GFRA1: variants seen among roughly 807,000 people sequenced by gnomAD.
The protein encoded by GFRA1 is GDNF family receptor alpha 1.
A neutral mutation model predicts 51.6 loss-of-function variants in GFRA1; 16 were observed. That is an observed-to-expected ratio of 0.31 (90% CI 0.21 to 0.47). The LOEUF is 0.47. Ranked by LOEUF, GFRA1 falls within the 20% of genes least tolerant of loss-of-function variation. GFRA1 has a pLI of 1.00. For synonymous variants in GFRA1, 270 were observed against 241.3 expected, an observed-to-expected ratio of 1.12 and a Z score of -1.10; for missense variants, 530 against 594.3, an observed-to-expected ratio of 0.89 and a Z score of 1.13.
intron 5 of GFRA1, among the ~76,000 whole-genome samples, chr10:116,176,466 T>C (rs1350201367): frequency 6.6e-6 from 1 of 152,024 alleles, no homozygotes; most frequent in South Asian, 2.1e-4. Context: ...GGAGATCTGG[T>C]TGTTTAAGAG....
At chr10:116,093,344 C>T (rs763533487) in intron 8 of GFRA1, among the ~76,000 whole-genome samples, 2 of 152,226 alleles carry the variant, frequency 1.3e-5, no homozygotes, top group Non-Finnish European at 2.9e-5. Flanking sequence ...TCTCCGCAGG[C>T]TGCCAAGATC....
intron 5 of GFRA1, among the ~76,000 whole-genome samples, chr10:116,167,604 A>T (rs898838582): frequency 6.6e-6 from 1 of 151,082 alleles, no homozygotes; most frequent in Non-Finnish European, 1.5e-5. Context: ...CAGTTTCTGC[A>T]TTAGACTCAT....
At chr10:116,216,106 A>G (rs995572721) in intron 4 of GFRA1, among the ~76,000 whole-genome samples, 3 of 152,142 alleles carry the variant, frequency 2.0e-5, no homozygotes, top group African/African-American at 7.2e-5. Flanking sequence ...TCTTTAATGC[A>G]CTGAGTCCTC....
rs1001198588 is a variant in GFRA1, at chr10:116,177,928, C to G, written c.433+33703G>C. Among the ~76,000 whole-genome samples the G allele has an allele frequency of 2.0e-5, 3 of 152,182 alleles. No individual in the cohort carries two copies. In the East Asian group the frequency reaches 5.8e-4, roughly 29 times the overall value. ...CATGGTACAAACTCAAAGCCAGAAG[C>G]AAACCCTCTAGAGACCCCAGGCCCC... is the stretch of plus-strand genomic sequence containing the variant. On this transcript the variant is annotated intron_variant, in intron 5 of 10. Transcript: ENST00000355422.
At position 116,166,607 on chromosome 10, in the gene GFRA1, C is replaced by T. The variant is rs1011187966; in HGVS notation, c.434-41050G>A. ...TATGTGACCCTGACCCTCGGTCTTACTGTGAATGCCATCCCACCGCCAAGT... is the reference window on the plus strand; with the variant it reads ...TATGTGACCCTGACCCTCGGTCTTATTGTGAATGCCATCCCACCGCCAAGT... On this transcript the variant is annotated intron_variant, in intron 5 of 10. Transcript: ENST00000355422. 9.1e-4 allele frequency among the ~76,000 whole-genome samples: 138 copies of T among 151,968 alleles called. 1 individual carries two copies. The highest frequency in any genetic ancestry group is 3.3e-3 in the African/African-American group (135 of 41,418).
Position 116,272,326 on chromosome 10 carries a change from C to T in GFRA1, c.-246-51G>A. On this transcript the variant is annotated intron_variant, in intron 1 of 10. Transcript: ENST00000355422. The surrounding 1 kb of genome is among the most constrained non-coding windows in gnomAD (Gnocchi z 4.4). ...TGAGAGCGGAGAGCGCCGGAGACTC[C>T]CCCCACAGAACCCTCTCCCCTCCCC... 1 of 528,824 alleles carries T rather than the reference C, an allele frequency of 1.9e-6. No homozygotes were observed. Among genetic ancestry groups the T allele is most frequent in the Non-Finnish European group, 3.4e-6 (1 of 293,058 alleles). 32.8% of individuals were successfully genotyped at this position (528,824 alleles called of 1,614,324 possible).
At chr10:116,167,992 C>T (rs374836796) in intron 5 of GFRA1, among the ~76,000 whole-genome samples, 4 of 152,118 alleles carry the variant, frequency 2.6e-5, no homozygotes, top group South Asian at 2.1e-4. Flanking sequence ...ATATTGGGTA[C>T]GGTGTACACT....
At chr10:116,067,459 C>T (rs1163890879) in intron 9 of GFRA1, among the ~76,000 whole-genome samples, 1 of 152,214 alleles carries the variant, frequency 6.6e-6, no homozygotes, top group African/African-American at 2.4e-5. Context: ...TCTTCCTATG[C>T]TCGTGGTCAC....
At chr10:116,158,980 G>A (rs139474082) in intron 5 of GFRA1, among the ~76,000 whole-genome samples, 1 of 152,190 alleles carries the variant, frequency 6.6e-6, no homozygotes, top group Admixed American at 6.5e-5. Flanking sequence ...CCCATCCTCC[G>A]CAGCAAACGC....
intron 5 of GFRA1, among the ~76,000 whole-genome samples, chr10:116,126,332 G>A (rs1957874568): frequency 6.6e-6 from 1 of 152,254 alleles, no homozygotes; most frequent in African/African-American, 2.4e-5. Context: ...CAAGCCCTGT[G>A]CACTCATACC....
At chr10:116,171,081 G>A (rs2134227972) in intron 5 of GFRA1, among the ~76,000 whole-genome samples, 1 of 152,298 alleles carries the variant, frequency 6.6e-6, no homozygotes, top group Admixed American at 6.5e-5. Flanking sequence ...CTATTTTCAT[G>A]TACATAGACA....
intron 9 of GFRA1, among the ~76,000 whole-genome samples, chr10:116,088,422 T>C (rs894531170): frequency 5.3e-5 from 8 of 152,270 alleles, no homozygotes; most frequent in Admixed American, 3.9e-4. Context: ...GTGGTCACCA[T>C]TTCCCTCAAA....
At chr10:116,095,479 G>A (rs969056288) in intron 7 of GFRA1, among the ~76,000 whole-genome samples, 1 of 152,094 alleles carries the variant, frequency 6.6e-6, no homozygotes, top group Non-Finnish European at 1.5e-5. Flanking sequence ...TAACTTACTC[G>A]GGAAAAGGAG....
At chr10:116,168,965 G>T (rs1264538600) in intron 5 of GFRA1, among the ~76,000 whole-genome samples, 2 of 152,166 alleles carry the variant, frequency 1.3e-5, no homozygotes, top group African/African-American at 4.8e-5. Context: ...GTGATATTTA[G>T]ACATGGGTTC....
chr10:116,217,443 C>A (rs575471196), intron 4 of GFRA1, among the ~76,000 whole-genome samples: 22 of 152,344 alleles, frequency 1.4e-4, no homozygotes, highest in Admixed American at 7.2e-4. Context: ...TGGCAAAGGC[C>A]AGCATCCTAG....
intron 9 of GFRA1, among the ~76,000 whole-genome samples, chr10:116,087,272 G>A (rs1181999143): frequency 0.02 from 1 of 50 alleles, no homozygotes. Flanking sequence ...ATTTGGGCGG[G>A]GGGCGGAGGG....
At chr10:116,151,727 A>G (rs1052395786) in intron 5 of GFRA1, among the ~76,000 whole-genome samples, 1 of 152,096 alleles carries the variant, frequency 6.6e-6, no homozygotes, top group Non-Finnish European at 1.5e-5. Context: ...GACCTGGCAG[A>G]CCATTGGCCT....
intron 5 of GFRA1, among the ~76,000 whole-genome samples, chr10:116,166,455 T>C (rs1267079657): frequency 1.3e-5 from 2 of 152,212 alleles, no homozygotes; most frequent in Non-Finnish European, 2.9e-5. Context: ...CTACAACCGT[T>C]CCGTGGGACC....
At chr10:116,070,764 T>TA (rs1459983458) in intron 9 of GFRA1, among the ~76,000 whole-genome samples, 2 of 150,016 alleles carry the variant, frequency 1.3e-5, no homozygotes, top group African/African-American at 4.9e-5. Context: ...GGAGCCTTTT[T>TA]TTTTTTTTTT....
Sources: gnomAD v4.1 joint callset for allele counts (sites outside exome capture counted in the v4.1 genomes callset) on GRCh38, gnomAD v4.1.1 for gene constraint, Gnocchi (gnomAD v3.1) non-coding constraint, MANE v1.5 for transcripts, NCBI Gene and HGNC (gene_info 2026-07-23, HGNC 2026-07-21) for gene names.